Variants in CAST observed in about 807,000 individuals in gnomAD.
CAST encodes the protein calpastatin.
CAST carries 76 observed loss-of-function variants against 119.6 expected under a neutral mutation model. The observed-to-expected ratio is 0.64, with a 90% CI of 0.53 to 0.77. The LOEUF (loss-of-function observed/expected upper bound fraction) is 0.77. CAST is among the 30% of genes least tolerant of loss of function. The probability of loss-of-function intolerance (pLI) is 0.00; values close to 1 mark genes in which losing one functional copy is unlikely to be tolerated. For synonymous variants in CAST, 319 were observed against 331.6 expected, an observed-to-expected ratio of 0.96 and a Z score of 0.41; for missense variants, 953 against 946.5, an observed-to-expected ratio of 1.01 and a Z score of -0.09.
intron 1 of CAST, among the ~76,000 whole-genome samples, chr5:96,568,588 A>AT (rs1746515678): frequency 5.6e-5 from 8 of 142,854 alleles, no homozygotes; most frequent in Non-Finnish European, 1.5e-5. Context: ...AAAAAAAAAA[A>AT]GAAGATAAGG....
At chr5:96,658,585 CCT>C (rs1267045862), upstream of CAST, among the ~76,000 whole-genome samples, 1 of 152,160 alleles carries the variant, frequency 6.6e-6, no homozygotes, top group Non-Finnish European at 1.5e-5. Context: ...CTGCTTTGCC[CCT>C]GTCCAAAGAA....
the CAST span, among the ~76,000 whole-genome samples, chr5:96,165,801 CATTT>C: frequency 6.6e-6 from 1 of 152,268 alleles, no homozygotes; most frequent in African/African-American, 2.4e-5. Context: ...GAACTTCATT[CATTT>C]ATCAGTGATG....
intron 2 of CAST, among the ~76,000 whole-genome samples, chr5:96,685,527 T>C (rs1003786182): frequency 6.6e-6 from 1 of 151,820 alleles, no homozygotes; most frequent in Non-Finnish European, 1.5e-5. Flanking sequence ...ATTATAAAAA[T>C]AGTTCATTTG....
chr5:96,603,759 C>CTTTTTTTTTTTTT (rs70981832), intron 1 of CAST, among the ~76,000 whole-genome samples: 1 of 79,498 alleles, frequency 1.3e-5, no homozygotes, highest in African/African-American at 4.9e-5. Flanking sequence ...GTGCTGTACT[C>CTTTTTTTTTTTTT]TTTTTTTTTT....
chr5:96,091,540 C>T, the CAST span, among the ~76,000 whole-genome samples: 2 of 126,752 alleles, frequency 1.6e-5, no homozygotes, highest in Admixed American at 9.1e-5. Context: ...GGGTCTTACT[C>T]TGTCACCCAG....
At chr5:96,277,934 A>G in the CAST span, among the ~76,000 whole-genome samples, 2 of 152,130 alleles carry the variant, frequency 1.3e-5, no homozygotes, top group Non-Finnish European at 2.9e-5. Context: ...AGGTAATGTA[A>G]TAAGAAATTA....
chr5:96,673,128 AC>A (rs1750312358), intron 1 of CAST, among the ~76,000 whole-genome samples: 1 of 152,212 alleles, frequency 6.6e-6, no homozygotes, highest in Non-Finnish European at 1.5e-5. Flanking sequence ...AATAGTAAAC[AC>A]CCAATAAAAC....
At chr5:96,236,111 GTCTATCTATCTA>G in the CAST span, among the ~76,000 whole-genome samples, 29,053 of 151,524 alleles carry the variant, frequency 0.19, 3,534 homozygotes, top group Non-Finnish European at 0.26. Context: ...CTGTCTGTCT[GTCTATCTATCTA>G]TCTCTCTATC....
intron 9 of CAST, 73 bp downstream of exon 9, chr5:96,730,933 CAAAT>C: frequency 1.7e-6 from 2 of 1,150,474 alleles, no homozygotes; most frequent in East Asian, 2.3e-5. Context: ...AACGTATGCT[CAAAT>C]AACCTATCAT....
chr5:96,691,432 A>G (rs1470004809), intron 2 of CAST, among the ~76,000 whole-genome samples: 1 of 152,244 alleles, frequency 6.6e-6, no homozygotes, highest in African/African-American at 2.4e-5. Context: ...TTTCTATCCC[A>G]TAAAAGGTTA....
the CAST span, among the ~76,000 whole-genome samples, chr5:96,353,192 T>C: frequency 6.6e-5 from 10 of 152,188 alleles, no homozygotes; most frequent in Non-Finnish European, 1.5e-4. Flanking sequence ...ACTTTATCAT[T>C]ACCTATAAAA....
At chr5:96,025,171 A>AG in the CAST span, among the ~76,000 whole-genome samples, 1 of 152,066 alleles carries the variant, frequency 6.6e-6, no homozygotes, top group Non-Finnish European at 1.5e-5. Context: ...ACCGTAGGCT[A>AG]GGGGGGTTTA....
the CAST span, among the ~76,000 whole-genome samples, chr5:96,340,243 G>C: frequency 6.6e-6 from 1 of 152,118 alleles, no homozygotes; most frequent in Non-Finnish European, 1.5e-5. Context: ...TTTTCTGCGG[G>C]AGTCCACCTT....
chr5:96,482,136 AC>A, the CAST span, among the ~76,000 whole-genome samples: 1 of 152,048 alleles, frequency 6.6e-6, no homozygotes, highest in Non-Finnish European at 1.5e-5. Flanking sequence ...GAAAGATCTG[AC>A]CTTTGCTGAA....
At chr5:96,389,152 T>C in the CAST span, among the ~76,000 whole-genome samples, 1 of 152,152 alleles carries the variant, frequency 6.6e-6, no homozygotes, top group African/African-American at 2.4e-5. Flanking sequence ...TGTAGTTATG[T>C]AGGATAAAAG....
chr5:96,591,313 G>A (rs1394725476), intron 1 of CAST, among the ~76,000 whole-genome samples: 2 of 152,208 alleles, frequency 1.3e-5, no homozygotes, highest in African/African-American at 4.8e-5. Flanking sequence ...TCAGTGCTCT[G>A]AAGTGTAGAA....
chr5:96,200,554 A>G, the CAST span, among the ~76,000 whole-genome samples: 1 of 152,176 alleles, frequency 6.6e-6, no homozygotes, highest in African/African-American at 2.4e-5. Context: ...ACAGATAATG[A>G]GTGTAATGGG....
chr5:96,455,985 A>T, the CAST span, among the ~76,000 whole-genome samples: 1 of 152,206 alleles, frequency 6.6e-6, no homozygotes, highest in Non-Finnish European at 1.5e-5. Flanking sequence ...CAGACAACAA[A>T]AAGTTCCCTC....
At position 96,754,647 on chromosome 5, in the gene CAST, A is replaced by G. The variant is rs749639330; in HGVS notation, c.1627-11A>G. The G allele has an allele frequency of 6.5e-7, 1 of 1,539,540 alleles. No homozygotes were observed. On this transcript the variant is annotated splice_polypyrimidine_tract_variant and intron_variant, in intron 21 of 31. Coordinates refer to ENST00000675179, the MANE Select transcript of CAST (RefSeq NM_001750.7). The stretch of plus-strand genomic sequence containing the variant: ...ACATGCTAACAATGAAAATGGTATA[A>G]TTTTTCTCAGGAGAAGGCCAAAGAA...
Sources: allele counts gnomAD v4.1 joint callset (sites outside exome capture counted in the v4.1 genomes callset), GRCh38; gene constraint gnomAD v4.1.1; transcripts MANE v1.5; gene names NCBI Gene and HGNC (gene_info 2026-07-23, HGNC 2026-07-21).